GTF2IRD1: variants seen among roughly 807,000 people sequenced by gnomAD.
The protein encoded by GTF2IRD1 is general transcription factor II-I repeat domain-containing protein 1.
GTF2IRD1 carries 26 observed loss-of-function variants against 113.2 expected under a neutral mutation model. That is an observed-to-expected ratio of 0.23 (90% CI 0.17 to 0.32). GTF2IRD1 has a LOEUF of 0.32. Among genes scored for constraint, GTF2IRD1 ranks in the 10% least tolerant of loss-of-function variants. The pLI, the probability that GTF2IRD1 is intolerant of heterozygous loss-of-function variation, is 1.00. For synonymous variants in GTF2IRD1, 484 were observed against 529.1 expected, an observed-to-expected ratio of 0.91 and a Z score of 1.17; for missense variants, 864 against 1,280.8, an observed-to-expected ratio of 0.67 and a Z score of 4.97.
At position 74,555,412 on chromosome 7, in the gene GTF2IRD1, C is replaced by T. The variant is rs146859938; in HGVS notation, c.1967-26C>T. 6 of 1,613,470 alleles carry T rather than the reference C, an allele frequency of 3.7e-6. No homozygotes were observed. The African/African-American group carries it at 8.0e-5, about 22-fold the overall frequency. ...TCCCAGGAACTGCCTCCTCACTTGGCTTCTCTCCCCCTGCCCTGCCCCCAG... is the reference window on the plus strand; with the variant it reads ...TCCCAGGAACTGCCTCCTCACTTGGTTTCTCTCCCCCTGCCCTGCCCCCAG... On this transcript the variant is annotated intron_variant, in intron 18 of 26. Coordinates refer to ENST00000424337, the MANE Select transcript of GTF2IRD1 (RefSeq NM_005685.4). The surrounding 1 kb of genome is among the most constrained non-coding windows in gnomAD (Gnocchi z 5.3).
intron 17 of GTF2IRD1, among the ~76,000 whole-genome samples, chr7:74,549,173 C>T (rs1799138586): frequency 6.6e-6 from 1 of 151,742 alleles, no homozygotes; most frequent in Non-Finnish European, 1.5e-5. Flanking sequence ...ACCTGTAATC[C>T]CAGCTGTAAT....
At chr7:74,568,084 G>A (rs1362633310) in intron 22 of GTF2IRD1, among the ~76,000 whole-genome samples, 3 of 151,726 alleles carry the variant, frequency 2.0e-5, no homozygotes, top group Non-Finnish European at 4.4e-5. Context: ...ACCACACCCA[G>A]CCAAGAGAGG....
At chr7:74,559,972 G>T (rs1554358583) in intron 22 of GTF2IRD1, among the ~76,000 whole-genome samples, 2 of 152,146 alleles carry the variant, frequency 1.3e-5, no homozygotes, top group African/African-American at 2.4e-5. Context: ...TAGAGACGGG[G>T]TTTCACCATG....
At chr7:74,535,738 A>G (rs1554350045) in intron 10 of GTF2IRD1, among the ~76,000 whole-genome samples, 1 of 152,118 alleles carries the variant, frequency 6.6e-6, no homozygotes, top group East Asian at 1.9e-4. Flanking sequence ...TGTGGGCTTC[A>G]GTGTCCACGT....
intron 22 of GTF2IRD1, among the ~76,000 whole-genome samples, chr7:74,587,243 G>A (rs1435436556): frequency 6.6e-6 from 1 of 152,110 alleles, no homozygotes; most frequent in Non-Finnish European, 1.5e-5. Context: ...TCAGGAGTTT[G>A]AGACCACCCT....
At chr7:74,556,181 G>A (rs2130757307) in intron 19 of GTF2IRD1, among the ~76,000 whole-genome samples, 1 of 151,660 alleles carries the variant, frequency 6.6e-6, no homozygotes, top group South Asian at 2.1e-4. Flanking sequence ...GAACCTGGGA[G>A]GCGGAGATTG....
At chr7:74,467,654 C>A (rs1279361061) in intron 1 of GTF2IRD1, among the ~76,000 whole-genome samples, 1 of 151,750 alleles carries the variant, frequency 6.6e-6, no homozygotes, top group Non-Finnish European at 1.5e-5. Flanking sequence ...GCATGCACTA[C>A]CACACCTAGC....
intron 11 of GTF2IRD1, 89 bp downstream of exon 11, chr7:74,536,364 C>T: frequency 1.4e-6 from 1 of 735,788 alleles, no homozygotes; most frequent in Non-Finnish European, 2.4e-6. Flanking sequence ...CCCAGGGCGG[C>T]TCCCACCACA....
rs1796683715 is a variant in GTF2IRD1, at chr7:74,512,249, G to C, written c.124-581G>C. On this transcript the variant is annotated intron_variant, in intron 2 of 26. Coordinates refer to ENST00000424337, the MANE Select transcript of GTF2IRD1 (RefSeq NM_005685.4). This position sits in a 1 kb window ranked among gnomAD's most constrained non-coding sequence, Gnocchi z 4.4. ...CGCCTGTAGTCCCAGCTACTCGGGA[G>C]GCTGAGGCAGGAGAATCGCTTGAAC... Among the ~76,000 whole-genome samples the C allele has an allele frequency of 6.6e-6, 1 of 152,206 alleles. No individual in the cohort carries two copies. Among genetic ancestry groups the C allele is most frequent in the Non-Finnish European group, 1.5e-5 (1 of 68,040 alleles).
chr7:74,565,257 GC>G (rs1800226942), intron 22 of GTF2IRD1, among the ~76,000 whole-genome samples: 1 of 152,234 alleles, frequency 6.6e-6, no homozygotes, highest in African/African-American at 2.4e-5. Context: ...AGGCGCGGTG[GC>G]TCATGCCTGT....
Position 74,523,713 on chromosome 7 carries a change from A to G in GTF2IRD1, c.1007-358A>G, listed in dbSNP as rs186366167. On this transcript the variant is annotated intron_variant, in intron 7 of 26. Transcript: ENST00000424337. ...TCCAGCCTGGGTGACAGAGTGAGTC[A>G]CCATCTAAAGGAAAAAAAAAAACAT... 6.9e-3 allele frequency among the ~76,000 whole-genome samples: 1,038 copies of G among 150,504 alleles called. 11 individuals are homozygous for G. The highest frequency in any genetic ancestry group is 0.025 in the African/African-American group (986 of 40,080).
Position 74,476,072 on chromosome 7 carries a change from C to G in GTF2IRD1, c.-7+21896C>G, listed in dbSNP as rs557480453. Among the ~76,000 whole-genome samples the G allele has an allele frequency of 4.0e-3, 612 of 152,290 alleles. 3 individuals are homozygous for G. Among genetic ancestry groups the G allele is most frequent in the Non-Finnish European group, 6.4e-3 (437 of 68,022 alleles). ...ACACCTGTACAAAACAGCCTCTTCT[C>G]CAATGCCTGGTGGTGGTGAGGGATG... is the stretch of plus-strand genomic sequence containing the variant. On this transcript the variant is annotated intron_variant, in intron 1 of 26. Coordinates refer to ENST00000424337, the MANE Select transcript of GTF2IRD1 (RefSeq NM_005685.4).
At chr7:74,551,741 G>C (rs1380944265) in intron 17 of GTF2IRD1, among the ~76,000 whole-genome samples, 2 of 151,972 alleles carry the variant, frequency 1.3e-5, no homozygotes, top group Non-Finnish European at 2.9e-5. Context: ...TTCGAGACCA[G>C]CCTGACCAAC....
chr7:74,570,457 C>T (rs1554362317), intron 22 of GTF2IRD1, among the ~76,000 whole-genome samples: 1 of 151,794 alleles, frequency 6.6e-6, no homozygotes. Context: ...GCCAGGAGAC[C>T]AGCCTGGGCA....
intron 1 of GTF2IRD1, among the ~76,000 whole-genome samples, chr7:74,466,478 T>C (rs961136042): frequency 3.3e-5 from 5 of 152,160 alleles, no homozygotes; most frequent in African/African-American, 9.7e-5. Flanking sequence ...GCCCTGCCTG[T>C]GTCTCTCTGT....
chr7:74,586,566 C>G (rs34158545), intron 22 of GTF2IRD1, among the ~76,000 whole-genome samples: 9,441 of 152,240 alleles, frequency 0.062, 358 homozygotes, highest in Middle Eastern at 0.14. Flanking sequence ...CGGACCAGGC[C>G]AGGGACCTGC....
intron 1 of GTF2IRD1, among the ~76,000 whole-genome samples, chr7:74,464,287 C>T (rs1201242612): frequency 6.6e-6 from 1 of 152,182 alleles, no homozygotes; most frequent in Non-Finnish European, 1.5e-5. Flanking sequence ...ATGAATGAAG[C>T]AGGGGAGCCC....
chr7:74,560,027 C>T (rs1799853866), intron 22 of GTF2IRD1, among the ~76,000 whole-genome samples: 1 of 152,188 alleles, frequency 6.6e-6, no homozygotes, highest in Non-Finnish European at 1.5e-5. Context: ...GTGATCCACC[C>T]ACCTCGGCCT....
chr7:74,576,864 G>A (rs587684889), intron 22 of GTF2IRD1, among the ~76,000 whole-genome samples: 7 of 151,764 alleles, frequency 4.6e-5, no homozygotes, highest in South Asian at 2.1e-4. Flanking sequence ...CAAGTGATCT[G>A]CCCACTTTGG....
Sources: gnomAD v4.1 joint callset for allele counts (sites outside exome capture counted in the v4.1 genomes callset) on GRCh38, gnomAD v4.1.1 for gene constraint, Gnocchi (gnomAD v3.1) non-coding constraint, MANE v1.5 for transcripts, NCBI Gene and HGNC (gene_info 2026-07-23, HGNC 2026-07-21) for gene names.